KLRD1: variants seen among roughly 807,000 people sequenced by gnomAD.
KLRD1 encodes the protein killer cell lectin like receptor D1.
In KLRD1, 21 loss-of-function variants were observed where a neutral mutation model predicts 22.6. The observed-to-expected ratio is 0.93, with a 90% CI of 0.66 to 1.34. The LOEUF is 1.34. Ranked by LOEUF, KLRD1 falls within the 40% of genes most tolerant of loss-of-function variation. The probability of loss-of-function intolerance (pLI) is 0.00; values close to 1 mark genes in which losing one functional copy is unlikely to be tolerated. For synonymous variants in KLRD1, 59 were observed against 71.1 expected (o/e 0.83, Z 0.85); for missense variants, 183 against 208.6 (o/e 0.88, Z 0.76).
At chr12:10,247,648 T>C (rs1949304562) in intron 1 of KLRD1, among the ~76,000 whole-genome samples, 1 of 152,206 alleles carries the variant, frequency 6.6e-6, no homozygotes, top group South Asian at 2.1e-4. Context: ...TCATCTTGAA[T>C]TGAAGTTCCC....
Position 10,326,604 on chromosome 12 carries a change from C to T in KLRD1, c.*11811C>T, listed in dbSNP as rs1022702382. ...TTGCACCTTTTTGTTTCTGATTAGC[C>T]TTTCCAAAGGAGGCAATCAGATATG... On this transcript the variant is annotated 3_prime_UTR_variant, in exon 6 of 6. Coordinates refer to ENST00000336164, the MANE Select transcript of KLRD1 (RefSeq NM_002262.5). The T allele has an allele frequency of 2.0e-5, 3 of 152,088 alleles. No individual in the cohort carries two copies. The highest frequency in any genetic ancestry group is 7.2e-5 in the African/African-American group (3 of 41,402). 9.4% of individuals were successfully genotyped at this position (152,088 alleles called of 1,614,324 possible). A position where few individuals can be genotyped will look rare whatever the true frequency, so the allele number is the denominator to read the frequency against.
intron 1 of KLRD1, among the ~76,000 whole-genome samples, chr12:10,247,833 G>A (rs959885551): frequency 7.2e-5 from 11 of 151,808 alleles, no homozygotes; most frequent in African/African-American, 1.2e-4. Flanking sequence ...CAGTGAAGAG[G>A]GACGTATTTG....
intron 1 of KLRD1, among the ~76,000 whole-genome samples, chr12:10,262,758 T>C (rs185954299): frequency 3.7e-4 from 57 of 152,182 alleles, no homozygotes; most frequent in African/African-American, 1.3e-3. Context: ...ACATTTGGGA[T>C]GGCAAATAAA....
chr12:10,245,333 G>T (rs1949280829), intron 1 of KLRD1, among the ~76,000 whole-genome samples: 1 of 152,088 alleles, frequency 6.6e-6, no homozygotes, highest in South Asian at 2.1e-4. Flanking sequence ...ACTCCAGCCT[G>T]GGCGACAGAG....
At position 10,324,843 on chromosome 12, in the gene KLRD1, T is replaced by TATATATATATATATATATATATATATA. The variant is rs60673819; in HGVS notation, c.*10050_*10051insATATATATATATATATATATATATATA. ...GTATATATATATATATATATATATA[T>TATATATATATATATATATATATATATA]TCATTTACACAGTTGATTCTAAGTG... On this transcript the variant is annotated 3_prime_UTR_variant, in exon 6 of 6. Transcript: ENST00000336164. The TATATATATATATATATATATATATATA allele has an allele frequency of 6.3e-5, 9 of 141,874 alleles. No individual in the cohort carries two copies. Among genetic ancestry groups the TATATATATATATATATATATATATATA allele is most frequent in the Non-Finnish European group, 1.2e-4 (8 of 64,648 alleles). The allele number at this position is 141,874 out of a possible 1,614,324, so 8.8% of individuals were successfully genotyped here.
At chr12:10,290,414 T>A (rs767506884) in intron 1 of KLRD1, among the ~76,000 whole-genome samples, 1 of 152,228 alleles carries the variant, frequency 6.6e-6, no homozygotes, top group Non-Finnish European at 1.5e-5. Flanking sequence ...TCTTTAACTC[T>A]AGGAATAATC....
intron 1 of KLRD1, among the ~76,000 whole-genome samples, chr12:10,268,926 T>C (rs1949524536): frequency 6.6e-6 from 1 of 152,190 alleles, no homozygotes; most frequent in African/African-American, 2.4e-5. Context: ...ATTATAACAG[T>C]GATGTATTAT....
At chr12:10,243,812 G>A (rs528186111) in intron 1 of KLRD1, among the ~76,000 whole-genome samples, 17 of 152,044 alleles carry the variant, frequency 1.1e-4, no homozygotes, top group African/African-American at 1.7e-4. Context: ...CATTGGTAGC[G>A]GTTTTAGAAA....
At chr12:10,285,442 C>T (rs1366367066) in intron 1 of KLRD1, among the ~76,000 whole-genome samples, 2 of 152,198 alleles carry the variant, frequency 1.3e-5, no homozygotes, top group East Asian at 3.9e-4. Flanking sequence ...CTGTTACAGT[C>T]ACCATTCTGT....
rs1289305067 is a variant in KLRD1, at chr12:10,327,403, A to C, written c.*12610A>C. On this transcript the variant is annotated 3_prime_UTR_variant, in exon 6 of 6. Transcript: ENST00000336164. ...CTTTTTGTGGTTCCATGTATATTTT[A>C]GTATCATTGTTTTCCTAATTCTAAA... The C allele has an allele frequency of 6.6e-6, 1 of 152,164 alleles. No homozygotes were observed. Among genetic ancestry groups the C allele is most frequent in the Non-Finnish European group, 1.5e-5 (1 of 68,028 alleles). The allele number at this position is 152,164 out of a possible 1,614,324, so 9.4% of individuals were successfully genotyped here.
chr12:10,244,153 G>A (rs1565445326), intron 1 of KLRD1, among the ~76,000 whole-genome samples: 3 of 152,184 alleles, frequency 2.0e-5, no homozygotes, highest in East Asian at 3.9e-4. Flanking sequence ...TGGTTCTGAA[G>A]CCCCTTGCAA....
At chr12:10,308,280 A>C in intron 1 of KLRD1, 196 bp downstream of exon 1, 1 of 578,472 alleles carries the variant, frequency 1.7e-6, no homozygotes, top group South Asian at 2.2e-5. Flanking sequence ...TGATTTCATG[A>C]AGTTTTTTCC....
At chr12:10,296,503 G>A (rs1037121601) in intron 1 of KLRD1, among the ~76,000 whole-genome samples, 2 of 151,926 alleles carry the variant, frequency 1.3e-5, no homozygotes, top group Non-Finnish European at 2.9e-5. Context: ...GCGACACAGC[G>A]AGACTCCGTC....
intron 1 of KLRD1, among the ~76,000 whole-genome samples, chr12:10,289,350 A>G (rs2137664930): frequency 6.6e-6 from 1 of 152,376 alleles, no homozygotes; most frequent in African/African-American, 2.4e-5. Flanking sequence ...TATTATTTAG[A>G]AAAGATACAC....
intron 1 of KLRD1, among the ~76,000 whole-genome samples, chr12:10,245,704 C>T (rs1949284368): frequency 6.6e-6 from 1 of 152,190 alleles, no homozygotes; most frequent in Admixed American, 6.5e-5. Context: ...TAAATTAAAC[C>T]TGCCAACTTC....
chr12:10,239,002 G>T (rs1949208427), intron 1 of KLRD1, among the ~76,000 whole-genome samples: 1 of 152,158 alleles, frequency 6.6e-6, no homozygotes, highest in Admixed American at 6.5e-5. Flanking sequence ...TTACCTTATT[G>T]TTATTAAGAT....
Position 10,321,555 on chromosome 12 carries a change from T to C in KLRD1, c.*6762T>C, listed in dbSNP as rs1950312485. 1 of 152,236 alleles carries C rather than the reference T, an allele frequency of 6.6e-6. No homozygotes were observed. The highest frequency in any genetic ancestry group is 1.5e-5 in the Non-Finnish European group (1 of 68,038). The allele number at this position is 152,236 out of a possible 1,614,324, so 9.4% of individuals were successfully genotyped here. On this transcript the variant is annotated 3_prime_UTR_variant, in exon 6 of 6. Coordinates refer to ENST00000336164, the MANE Select transcript of KLRD1 (RefSeq NM_002262.5). ...ACCCTTTTGATATAATCAATTACAT[T>C]GTATAAGGGTTGATCACTGTGACCA...
intron 1 of KLRD1, among the ~76,000 whole-genome samples, chr12:10,274,080 C>T (rs1467208786): frequency 1.3e-5 from 2 of 151,218 alleles, no homozygotes; most frequent in African/African-American, 2.4e-5. Context: ...GTCAGGAGTT[C>T]GAGACCAGCC....
intron 1 of KLRD1, among the ~76,000 whole-genome samples, chr12:10,289,437 T>C (rs566970051): frequency 7.9e-5 from 12 of 152,370 alleles, no homozygotes; most frequent in Admixed American, 2.6e-4. Context: ...CTTTCTATGC[T>C]AAACAATCAG....
Sources: allele counts gnomAD v4.1 joint callset (sites outside exome capture counted in the v4.1 genomes callset), GRCh38; gene constraint gnomAD v4.1.1; transcripts MANE v1.5; gene names NCBI Gene and HGNC (gene_info 2026-07-23, HGNC 2026-07-21).